The following CLNK variants were observed in gnomAD, a reference collection of about 807,000 sequenced individuals.
CLNK encodes cytokine dependent hematopoietic cell linker.
A neutral mutation model predicts 68.6 loss-of-function variants in CLNK; 74 were observed. That is an observed-to-expected ratio of 1.08 (90% CI 0.89 to 1.31). The LOEUF is 1.31. Ranked by LOEUF, CLNK falls within the 50% of genes most tolerant of loss-of-function variation. The probability of loss-of-function intolerance (pLI) is 0.00; values close to 1 mark genes in which losing one functional copy is unlikely to be tolerated. For synonymous variants in CLNK, 198 were observed against 172.2 expected (o/e 1.15, Z -1.17); for missense variants, 553 against 515.3 (o/e 1.07, Z -0.71).
At chr4:10,651,709 AAATT>A (rs1347572940) in intron 2 of CLNK, among the ~76,000 whole-genome samples, 17 of 152,228 alleles carry the variant, frequency 1.1e-4, no homozygotes, top group Admixed American at 8.5e-4. Context: ...AATCTTTAAA[AAATT>A]AATTAATAAC....
chr4:10,638,091 G>A (rs1723165816), intron 2 of CLNK, among the ~76,000 whole-genome samples: 1 of 152,170 alleles, frequency 6.6e-6, no homozygotes, highest in Non-Finnish European at 1.5e-5. Flanking sequence ...TCTCCTGAAT[G>A]TAGCCCCGAA....
At chr4:10,721,418 G>T in the CLNK span, among the ~76,000 whole-genome samples, 12 of 152,198 alleles carry the variant, frequency 7.9e-5, no homozygotes, top group African/African-American at 2.6e-4. Context: ...AAAGTTTATT[G>T]AAAAATTAAA....
the CLNK span, among the ~76,000 whole-genome samples, chr4:10,693,426 A>G: frequency 0.15 from 22,828 of 152,188 alleles, 1,807 homozygotes; most frequent in South Asian, 0.18. Context: ...AGAAACAGAG[A>G]CACACAGGGA....
At chr4:10,613,710 G>C (rs924372776) in intron 2 of CLNK, among the ~76,000 whole-genome samples, 1 of 152,192 alleles carries the variant, frequency 6.6e-6, no homozygotes, top group African/African-American at 2.4e-5. Context: ...GCAGGAGATG[G>C]AACAGGGTGG....
At chr4:10,523,820 T>A in intron 14 of CLNK, 1 of 182,112 alleles carries the variant, frequency 5.5e-6, no homozygotes, top group South Asian at 8.4e-5. Context: ...AGCCCAGGAG[T>A]TCGAGACTAG....
chr4:10,631,971 C>T (rs746142650), intron 2 of CLNK, among the ~76,000 whole-genome samples: 6 of 152,134 alleles, frequency 3.9e-5, no homozygotes, highest in South Asian at 4.1e-4. Flanking sequence ...GCTCAAGGTG[C>T]GCATTACCTG....
rs67304153 is a variant in CLNK, at chr4:10,652,381, CAAAAA to C, written c.11+15473_11+15477del. Among the ~76,000 whole-genome samples the C allele has an allele frequency of 2.8e-4, 14 of 50,742 alleles. No homozygotes were observed. In the East Asian group the frequency reaches 2.8e-3, roughly 10 times the overall value. The allele number at this position is 50,742 out of a possible 152,430, so 33.3% of individuals were successfully genotyped here. On this transcript the variant is annotated intron_variant, in intron 2 of 18. Transcript: ENST00000226951. ...TGGGTGACAGAGCAAGACTCTGTCT[CAAAAA>C]AAAAAAAAAAAAAAAAAGGAAAAAA...
the CLNK span, among the ~76,000 whole-genome samples, chr4:10,729,781 A>G: frequency 6.6e-6 from 1 of 152,244 alleles, no homozygotes; most frequent in African/African-American, 2.4e-5. Flanking sequence ...TAATTTATGT[A>G]TAATTACCTG....
chr4:10,634,157 A>G (rs1218777335), intron 2 of CLNK, among the ~76,000 whole-genome samples: 1 of 152,240 alleles, frequency 6.6e-6, no homozygotes, highest in Non-Finnish European at 1.5e-5. Context: ...GAAGAGAAAC[A>G]GAGTCCATCA....
At chr4:10,623,575 C>T (rs55833564) in intron 2 of CLNK, among the ~76,000 whole-genome samples, 8 of 152,308 alleles carry the variant, frequency 5.3e-5, no homozygotes, top group Non-Finnish European at 1.2e-4. Flanking sequence ...GCTTCTACTT[C>T]ATTGGATAAT....
intron 18 of CLNK, among the ~76,000 whole-genome samples, 198 bp downstream of exon 18, chr4:10,501,058 A>C (rs1717023353): frequency 6.6e-6 from 1 of 152,224 alleles, no homozygotes; most frequent in Non-Finnish European, 1.5e-5. Context: ...ATGGGGGTGC[A>C]TGAAATGGTC....
At position 10,490,308 on chromosome 4, in the gene CLNK, A is replaced by T. The variant is rs1716513215; in HGVS notation, c.*159T>A. 1 of 596,748 alleles carries T rather than the reference A, an allele frequency of 1.7e-6. No homozygotes were observed. Among genetic ancestry groups the T allele is most frequent in the Non-Finnish European group, 2.6e-6 (1 of 385,180 alleles). The allele number at this position is 596,748 out of a possible 1,614,324, so 37.0% of individuals were successfully genotyped here. A position where few individuals can be genotyped will look rare whatever the true frequency, so the allele number is the denominator to read the frequency against. ...TATTTTCTCTGTGGTTTGAACTTTCAAAACCGTGAGTGATTTTCCACTCTC... is the reference window on the plus strand; with the variant it reads ...TATTTTCTCTGTGGTTTGAACTTTCTAAACCGTGAGTGATTTTCCACTCTC... On this transcript the variant is annotated 3_prime_UTR_variant, in exon 19 of 19. Coordinates refer to ENST00000226951, the MANE Select transcript of CLNK (RefSeq NM_052964.4).
chr4:10,515,106 C>T (rs1356600616), intron 15 of CLNK, among the ~76,000 whole-genome samples: 12 of 152,048 alleles, frequency 7.9e-5, no homozygotes, highest in African/African-American at 2.2e-4. Flanking sequence ...GGCATGGTGG[C>T]GTGCTCCTGT....
the CLNK span, among the ~76,000 whole-genome samples, chr4:10,726,930 T>C: frequency 2.6e-3 from 396 of 152,334 alleles, 8 homozygotes; most frequent in Admixed American, 0.022. Context: ...GTATGTGTAA[T>C]ACGTGTTTCT....
rs529078941 is a variant in CLNK at position 10,638,326 on chromosome 4, G to A, written c.11+29533C>T. Among the ~76,000 whole-genome samples the A allele has an allele frequency of 2.6e-5, 4 of 152,324 alleles. No individual in the cohort carries two copies. The East Asian group carries it at 7.7e-4, about 29-fold the overall frequency. The stretch of plus-strand genomic sequence containing the variant: ...TGTGTGCATCCAGATGCTTTTGAGA[G>A]TGAAAGGGGGCTCTACTAATAATTA... On this transcript the variant is annotated intron_variant, in intron 2 of 18. Transcript: ENST00000226951.
intron 14 of CLNK, among the ~76,000 whole-genome samples, chr4:10,524,777 G>A (rs545311900): frequency 6.6e-6 from 1 of 152,266 alleles, no homozygotes; most frequent in Non-Finnish European, 1.5e-5. Flanking sequence ...GGAGGAATAG[G>A]AGTGTTCCAA....
Position 10,572,982 on chromosome 4 carries a change from C to T in CLNK, c.113-1204G>A, listed in dbSNP as rs148716296. ...TGGCTGGGATTACAGGAGCACACCACCACACCCAGCTAATTTTTTGTATTT... is the reference window on the plus strand; with the variant it reads ...TGGCTGGGATTACAGGAGCACACCATCACACCCAGCTAATTTTTTGTATTT... On this transcript the variant is annotated intron_variant, in intron 4 of 18. Transcript: ENST00000226951. 5.9e-3 allele frequency among the ~76,000 whole-genome samples: 891 copies of T among 152,248 alleles called. 5 individuals carry two copies. The highest frequency in any genetic ancestry group is 8.5e-3 in the Non-Finnish European group (578 of 68,024).
intron 5 of CLNK, among the ~76,000 whole-genome samples, chr4:10,567,186 T>A (rs1275749808): frequency 6.7e-6 from 1 of 149,462 alleles, no homozygotes; most frequent in Non-Finnish European, 1.5e-5. Context: ...ATTTCAAAAG[T>A]TACTACATAG....
the CLNK span, among the ~76,000 whole-genome samples, chr4:10,730,189 G>T: frequency 1.3e-5 from 2 of 152,158 alleles, no homozygotes; most frequent in East Asian, 3.8e-4. Context: ...GCCACCATCT[G>T]CGGCCACCCT....
Sources: allele counts gnomAD v4.1 joint callset (sites outside exome capture counted in the v4.1 genomes callset), GRCh38; gene constraint gnomAD v4.1.1; transcripts MANE v1.5; gene names NCBI Gene and HGNC (gene_info 2026-07-23, HGNC 2026-07-21).